KIAA0319L: variants seen among roughly 807,000 people sequenced by gnomAD.
KIAA0319L encodes the protein KIAA0319 like.
A neutral mutation model predicts 120.1 loss-of-function variants in KIAA0319L; 55 were observed. That is an observed-to-expected ratio of 0.46 (90% CI 0.37 to 0.57). The LOEUF (loss-of-function observed/expected upper bound fraction) is 0.57, where lower values mean the gene tolerates loss of function less well. Ranked by LOEUF, KIAA0319L falls within the 20% of genes least tolerant of loss-of-function variation. The pLI, the probability that KIAA0319L is intolerant of heterozygous loss-of-function variation, is 0.00. For missense variants in KIAA0319L, 1,049 were observed against 1,255.3 expected, an observed-to-expected ratio of 0.84 and a Z score of 2.48; for synonymous variants, 398 against 471.9, an observed-to-expected ratio of 0.84 and a Z score of 2.03.
intron 6 of KIAA0319L, 31 bp from the exon 7 acceptor site, chr1:35,466,726 A>T (rs1643289829): frequency 7.2e-7 from 1 of 1,388,246 alleles, no homozygotes; most frequent in Admixed American, 1.7e-5. Flanking sequence ...CTCTTAGACA[A>T]TCACAAAGAG....
At chr1:35,468,480 T>C (rs1351812833) in intron 6 of KIAA0319L, among the ~76,000 whole-genome samples, 2 of 152,260 alleles carry the variant, frequency 1.3e-5, no homozygotes, top group African/African-American at 4.8e-5. Flanking sequence ...TCCAGTCCCT[T>C]TCCCCCAGCT....
At chr1:35,512,607 G>A (rs1275497386) in intron 2 of KIAA0319L, among the ~76,000 whole-genome samples, 1 of 152,012 alleles carries the variant, frequency 6.6e-6, no homozygotes, top group African/African-American at 2.4e-5. Flanking sequence ...AGTGGCTCAT[G>A]CCTGTAATCC....
At chr1:35,555,292 C>A (rs1477538821) in intron 1 of KIAA0319L, among the ~76,000 whole-genome samples, 1 of 152,142 alleles carries the variant, frequency 6.6e-6, no homozygotes, top group African/African-American at 2.4e-5. Context: ...AGAAGCAATT[C>A]AAAAACTTCT....
intron 3 of KIAA0319L, among the ~76,000 whole-genome samples, chr1:35,494,626 C>T (rs146317830): frequency 2.4e-3 from 361 of 151,404 alleles, no homozygotes; most frequent in Non-Finnish European, 4.3e-3. Flanking sequence ...GAAACCCCAT[C>T]TCCGCTAAAA....
intron 3 of KIAA0319L, among the ~76,000 whole-genome samples, chr1:35,494,380 C>T (rs903967883): frequency 1.3e-4 from 20 of 151,952 alleles, no homozygotes; most frequent in African/African-American, 2.4e-4. Context: ...ACCCGGGAGG[C>T]GGAGGTTAAG....
At chr1:35,525,225 C>A (rs1477400987) in intron 2 of KIAA0319L, among the ~76,000 whole-genome samples, 1 of 152,120 alleles carries the variant, frequency 6.6e-6, no homozygotes, top group Non-Finnish European at 1.5e-5. Context: ...CATAAATATA[C>A]AACATTTTAT....
rs1640647270 is a variant in KIAA0319L, at chr1:35,434,661, G to A, written c.*233C>T. 3.9e-6 allele frequency: 2 copies of A among 513,974 alleles called. No homozygotes were observed. The highest frequency in any genetic ancestry group is 6.9e-6 in the Non-Finnish European group (2 of 291,920). The allele number at this position is 513,974 out of a possible 1,614,324, so 31.8% of individuals were successfully genotyped here. A position where few individuals can be genotyped will look rare whatever the true frequency, so the allele number is the denominator to read the frequency against. ...TTGCAAAAAAAGGAGGCCCTGAGGT[G>A]AGGATATCTGGGGGCCCACCAGACA... On this transcript the variant is annotated 3_prime_UTR_variant, in exon 21 of 21. Transcript: ENST00000325722.
At chr1:35,521,354 G>T (rs1327332253) in intron 2 of KIAA0319L, among the ~76,000 whole-genome samples, 2 of 151,694 alleles carry the variant, frequency 1.3e-5, no homozygotes, top group Non-Finnish European at 2.9e-5. Flanking sequence ...AATAAATAAA[G>T]CCGGGCGCAG....
chr1:35,555,308 A>G (rs1396805621), intron 1 of KIAA0319L, among the ~76,000 whole-genome samples: 1 of 152,224 alleles, frequency 6.6e-6, no homozygotes, highest in Non-Finnish European at 1.5e-5. Flanking sequence ...CTTCTGTCCA[A>G]CTATGTACCT....
At chr1:35,557,632 A>G (rs1448245178), upstream of KIAA0319L, 2 of 455,274 alleles carry the variant, frequency 4.4e-6, no homozygotes, top group African/African-American at 2.0e-5. Flanking sequence ...CTCGAGCCCC[A>G]GCCCCCAGAC....
At chr1:35,443,577 C>A (rs1641385188) in intron 17 of KIAA0319L, among the ~76,000 whole-genome samples, 1 of 151,940 alleles carries the variant, frequency 6.6e-6, no homozygotes, top group Non-Finnish European at 1.5e-5. Flanking sequence ...GAGGCTGAGG[C>A]AGGAGAATCA....
intron 16 of KIAA0319L, among the ~76,000 whole-genome samples, chr1:35,446,896 T>G (rs916712193): frequency 6.6e-6 from 1 of 152,144 alleles, no homozygotes; most frequent in African/African-American, 2.4e-5. Flanking sequence ...CTTGTGGCTA[T>G]CTGACGGAAC....
chr1:35,457,354 C>T (rs1048986555), intron 9 of KIAA0319L, among the ~76,000 whole-genome samples: 1 of 152,100 alleles, frequency 6.6e-6, no homozygotes, highest in Non-Finnish European at 1.5e-5. Context: ...GCTGTTTACA[C>T]ATCACAACGA....
Position 35,466,807 on chromosome 1 carries a change from A to G in KIAA0319L, c.1114-112T>C, listed in dbSNP as rs188240400. The G allele has an allele frequency of 2.8e-4, 214 of 759,758 alleles. No homozygotes were observed. In the East Asian group the frequency reaches 5.4e-3, roughly 19 times the overall value. The allele number at this position is 759,758 out of a possible 1,614,324, so 47.1% of individuals were successfully genotyped here. On this transcript the variant is annotated intron_variant, in intron 6 of 20. Transcript: ENST00000325722. ...GAATCTTTCACTCTTTCCTTCCCCTATTTCCAAAATGGAAAAGGTAAAGTA... is the reference window on the plus strand; with the variant it reads ...GAATCTTTCACTCTTTCCTTCCCCTGTTTCCAAAATGGAAAAGGTAAAGTA...
At chr1:35,452,151 T>G (rs754317217) in intron 12 of KIAA0319L, among the ~76,000 whole-genome samples, 3 of 152,256 alleles carry the variant, frequency 2.0e-5, no homozygotes, top group Non-Finnish European at 4.4e-5. Flanking sequence ...GTAGTTGGTT[T>G]GGCTCTTGCC....
At chr1:35,456,326 G>C in intron 9 of KIAA0319L, 85 bp from the exon 10 acceptor site, 1 of 906,790 alleles carries the variant, frequency 1.1e-6, no homozygotes, top group Non-Finnish European at 1.7e-6. Flanking sequence ...TTAAGGCTAA[G>C]AAATACCAAT....
chr1:35,504,043 A>G (rs1216384695), intron 3 of KIAA0319L, among the ~76,000 whole-genome samples: 2 of 150,528 alleles, frequency 1.3e-5, no homozygotes, highest in Non-Finnish European at 3.0e-5. Context: ...GCACCACCTC[A>G]CCTCGCTAAT....
chr1:35,466,581 G>C (rs750599504), intron 7 of KIAA0319L, 27 bp downstream of exon 7: 1 of 1,522,322 alleles, frequency 6.6e-7, no homozygotes, highest in African/African-American at 1.4e-5. Flanking sequence ...GGGAGGAAGG[G>C]AGACACAGCC....
chr1:35,525,499 T>A (rs947388095), intron 2 of KIAA0319L, among the ~76,000 whole-genome samples: 3 of 152,218 alleles, frequency 2.0e-5, no homozygotes, highest in African/African-American at 7.2e-5. Context: ...TTCCGCATAC[T>A]CGCCAGCATC....
Sources: allele counts gnomAD v4.1 joint callset (sites outside exome capture counted in the v4.1 genomes callset), GRCh38; gene constraint gnomAD v4.1.1; transcripts MANE v1.5; gene names NCBI Gene and HGNC (gene_info 2026-07-23, HGNC 2026-07-21).